Variants in WIPI1 observed in about 807,000 individuals in gnomAD.
WIPI1 encodes the protein WD repeat domain, phosphoinositide interacting 1.
A neutral mutation model predicts 55.3 loss-of-function variants in WIPI1; 45 were observed. The observed-to-expected ratio is 0.81, with a 90% CI of 0.64 to 1.04. The LOEUF is 1.04. WIPI1 is among the 50% of genes least tolerant of loss of function. WIPI1 has a pLI of 0.00. For synonymous variants in WIPI1, 195 were observed against 217.6 expected, an observed-to-expected ratio of 0.90 and a Z score of 0.92; for missense variants, 445 against 559.0, an observed-to-expected ratio of 0.80 and a Z score of 2.06.
Position 68,450,598 on chromosome 17 carries a change from G to A in WIPI1, c.333+130C>T. The stretch of plus-strand genomic sequence containing the variant: ...TGTTTACAATACCCCCGGGACACGG[G>A]GCCTGAGTGTTAACATTCTCATTAG... On this transcript the variant is annotated intron_variant, in intron 3 of 12. Coordinates refer to ENST00000262139, the MANE Select transcript of WIPI1 (RefSeq NM_017983.7). 3 of 1,243,614 alleles carry A rather than the reference G, an allele frequency of 2.4e-6. No individual in the cohort carries two copies. The Admixed American group carries it at 7.0e-5, about 29-fold the overall frequency. 77.0% of individuals were successfully genotyped at this position (1,243,614 alleles called of 1,614,324 possible). A position where few individuals can be genotyped will look rare whatever the true frequency, so the allele number is the denominator to read the frequency against.
intron 10 of WIPI1, among the ~76,000 whole-genome samples, chr17:68,427,758 A>G (rs2083293843): frequency 6.6e-6 from 1 of 152,196 alleles, no homozygotes. Flanking sequence ...TGCTCTTCCC[A>G]GTACACACAG....
chr17:68,439,732 C>T (rs1405049421), intron 4 of WIPI1, among the ~76,000 whole-genome samples: 2 of 152,190 alleles, frequency 1.3e-5, no homozygotes, highest in African/African-American at 2.4e-5. Flanking sequence ...CTGAGGTCTG[C>T]TATGTACTGT....
Position 68,424,647 on chromosome 17 carries a change from G to A in WIPI1, c.1293+1428C>T, listed in dbSNP as rs139403116. Reference sequence around the variant, plus strand: ...TCCTAGCACTTTGGGAGGCCGAGACGAGTGGATCACTTGAGGTCAGGAGTT... The same window carrying A: ...TCCTAGCACTTTGGGAGGCCGAGACAAGTGGATCACTTGAGGTCAGGAGTT... On this transcript the variant is annotated intron_variant, in intron 12 of 12. Coordinates refer to ENST00000262139, the MANE Select transcript of WIPI1 (RefSeq NM_017983.7). 1,152 of 386,896 alleles carry A rather than the reference G, an allele frequency of 3.0e-3. 16 individuals carry two copies. Among genetic ancestry groups the A allele is most frequent in the African/African-American group, 0.023 (1,089 of 47,348 alleles). 24.0% of individuals were successfully genotyped at this position (386,896 alleles called of 1,614,324 possible). A position where few individuals can be genotyped will look rare whatever the true frequency, so the allele number is the denominator to read the frequency against.
At chr17:68,425,113 G>C (rs1355924865) in intron 12 of WIPI1, among the ~76,000 whole-genome samples, 4 of 152,226 alleles carry the variant, frequency 2.6e-5, no homozygotes, top group Non-Finnish European at 5.9e-5. Flanking sequence ...CTAGCTGTGG[G>C]AACAGGCTGA....
At chr17:68,427,072 C>CAG (rs2083245370) in intron 11 of WIPI1, 63 bp downstream of exon 11, 1 of 1,370,338 alleles carries the variant, frequency 7.3e-7, no homozygotes, top group African/African-American at 1.4e-5. Context: ...AGGGAGCGTG[C>CAG]AGGGAGAAGG....
chr17:68,423,974 C>G lies in WIPI1; in HGVS notation c.1293+2101G>C, dbSNP rs2082976821. 6.6e-6 allele frequency among the ~76,000 whole-genome samples: 1 copy of G among 152,116 alleles called. No individual in the cohort carries two copies. The highest frequency in any genetic ancestry group is 2.4e-5 in the African/African-American group (1 of 41,408). ...AGTGTCTGGATGTGGTAAACCCTGACAGAGTAGAATGGTCACATTTGTCCC... is the reference window on the plus strand; with the variant it reads ...AGTGTCTGGATGTGGTAAACCCTGAGAGAGTAGAATGGTCACATTTGTCCC... On this transcript the variant is annotated intron_variant, in intron 12 of 12. Coordinates refer to ENST00000262139, the MANE Select transcript of WIPI1 (RefSeq NM_017983.7). This position sits in a 1 kb window ranked among gnomAD's most constrained non-coding sequence, Gnocchi z 4.4.
intron 4 of WIPI1, chr17:68,440,794 G>A (rs1459427735): frequency 6.6e-6 from 1 of 152,120 alleles, no homozygotes; most frequent in Non-Finnish European, 1.5e-5. Flanking sequence ...TTCTCATCTT[G>A]GTATTTAAAG....
intron 5 of WIPI1, 92 bp downstream of exon 5, chr17:68,436,290 G>T: frequency 8.6e-7 from 1 of 1,160,430 alleles, no homozygotes; most frequent in Non-Finnish European, 1.3e-6. Flanking sequence ...ACCGCCTCCA[G>T]CCCCCGACGG....
At chr17:68,457,011 C>G (rs2084660332) in intron 1 of WIPI1, among the ~76,000 whole-genome samples, 2 of 152,182 alleles carry the variant, frequency 1.3e-5, no homozygotes, top group Non-Finnish European at 1.5e-5. Context: ...CCCCAGACAC[C>G]CACTTTGGTC....
intron 12 of WIPI1, among the ~76,000 whole-genome samples, chr17:68,422,907 C>T (rs1483595031): frequency 1.3e-5 from 2 of 152,072 alleles, no homozygotes; most frequent in East Asian, 3.9e-4. Flanking sequence ...TTCTAAGGCA[C>T]CAGAAATGAT....
At chr17:68,432,255 T>G (rs2083563463) in intron 8 of WIPI1, among the ~76,000 whole-genome samples, 2 of 152,176 alleles carry the variant, frequency 1.3e-5, no homozygotes, top group South Asian at 4.1e-4. Context: ...GGGACGTCAG[T>G]CCCATGGCTG....
chr17:68,440,349 T>C (rs2060391489), intron 4 of WIPI1, among the ~76,000 whole-genome samples: 1 of 152,252 alleles, frequency 6.6e-6, no homozygotes, highest in African/African-American at 2.4e-5. Context: ...GAGTTTTCCT[T>C]AGCTTGGCTA....
At chr17:68,426,250 G>GGGGGGGGGA in intron 11 of WIPI1, 75 bp from the exon 12 acceptor site, 1 of 828,060 alleles carries the variant, frequency 1.2e-6, no homozygotes, top group South Asian at 1.3e-5. Flanking sequence ...GGTGGGGAGC[G>GGGGGGGGGA]GGGGCTCAAA....
intron 4 of WIPI1, among the ~76,000 whole-genome samples, chr17:68,438,717 C>T (rs1315753371): frequency 6.6e-6 from 1 of 152,224 alleles, no homozygotes. Context: ...TCTCCTGTCT[C>T]AGCCTGCCAA....
At chr17:68,436,012 C>A (rs2083768583) in intron 5 of WIPI1, among the ~76,000 whole-genome samples, 1 of 152,250 alleles carries the variant, frequency 6.6e-6, no homozygotes, top group Non-Finnish European at 1.5e-5. Flanking sequence ...TAGGCAACTT[C>A]CCACAGCAAT....
intron 1 of WIPI1, among the ~76,000 whole-genome samples, chr17:68,456,656 A>G (rs1265174512): frequency 6.6e-6 from 1 of 152,234 alleles, no homozygotes; most frequent in Non-Finnish European, 1.5e-5. Flanking sequence ...TTTCCTGGAG[A>G]GAAAGCAGTC....
chr17:68,437,946 CTT>C (rs2083890499), intron 4 of WIPI1, among the ~76,000 whole-genome samples: 2 of 77,438 alleles, frequency 2.6e-5, no homozygotes, highest in East Asian at 3.4e-4. Context: ...AGACATCTCT[CTT>C]AAAAAAAAAA....
At chr17:68,441,428 T>C (rs1160308880) in intron 4 of WIPI1, among the ~76,000 whole-genome samples, 1 of 152,228 alleles carries the variant, frequency 6.6e-6, no homozygotes, top group East Asian at 1.9e-4. Flanking sequence ...TGATTGTGTC[T>C]TCCTTCTGTA....
chr17:68,452,319 C>G (rs2084528681), intron 2 of WIPI1, among the ~76,000 whole-genome samples: 1 of 152,216 alleles, frequency 6.6e-6, no homozygotes, highest in South Asian at 2.1e-4. Context: ...AATCTCAGGA[C>G]TTTGGGAGGC....
Sources: allele counts gnomAD v4.1 joint callset (sites outside exome capture counted in the v4.1 genomes callset), GRCh38; gene constraint gnomAD v4.1.1; non-coding constraint Gnocchi (gnomAD v3.1); transcripts MANE v1.5; gene names NCBI Gene and HGNC (gene_info 2026-07-23, HGNC 2026-07-21).